The following ADAM12 variants were observed in gnomAD, a reference collection of about 807,000 sequenced individuals.
ADAM12 encodes disintegrin and metalloproteinase domain-containing protein 12.
Under a neutral mutation model 106.4 loss-of-function variants are expected in ADAM12, and 70 were observed. The observed-to-expected ratio is 0.66, with a 90% CI of 0.54 to 0.80. The LOEUF (loss-of-function observed/expected upper bound fraction) is 0.80. Among genes scored for constraint, ADAM12 ranks in the 30% least tolerant of loss-of-function variants. The pLI is 0.00. For missense variants in ADAM12, 1,010 were observed against 1,171.9 expected (o/e 0.86, Z 2.02); for synonymous variants, 420 against 433.5 (o/e 0.97, Z 0.39).
chr10:126,251,651 G>A (rs575026650), intron 3 of ADAM12, among the ~76,000 whole-genome samples: 2 of 152,074 alleles, frequency 1.3e-5, no homozygotes, highest in South Asian at 2.1e-4. Flanking sequence ...GGATGGATGG[G>A]ATGGATAGGA....
At chr10:126,076,502 C>T (rs2133513809) in intron 11 of ADAM12, among the ~76,000 whole-genome samples, 1 of 152,290 alleles carries the variant, frequency 6.6e-6, no homozygotes, top group East Asian at 1.9e-4. Flanking sequence ...AACTGCTTTC[C>T]ACAGTGGCTA....
chr10:126,315,472 T>C (rs911020389), intron 2 of ADAM12, among the ~76,000 whole-genome samples: 3 of 152,156 alleles, frequency 2.0e-5, no homozygotes, highest in African/African-American at 7.2e-5. Flanking sequence ...TTCCAACCGA[T>C]GGCTCCTTAT....
intron 2 of ADAM12, among the ~76,000 whole-genome samples, chr10:126,326,410 T>A (rs745958019): frequency 2.6e-5 from 4 of 152,210 alleles, no homozygotes; most frequent in Non-Finnish European, 4.4e-5. Flanking sequence ...GGGGTGTATA[T>A]GATGGAAGCT....
In ADAM12 at chr10:126,016,840, A is replaced by G. The variant is rs558579946; in HGVS notation, c.*439T>C. The G allele has an allele frequency of 3.0e-3, 466 of 154,090 alleles. 2 individuals are homozygous for G. The highest frequency in any genetic ancestry group is 3.9e-3 in the Non-Finnish European group (267 of 69,096). The allele number at this position is 154,090 out of a possible 1,614,324, so 9.5% of individuals were successfully genotyped here. On this transcript the variant is annotated 3_prime_UTR_variant, in exon 23 of 23. Transcript: ENST00000448723. ...AATCCAGAAAATCAACTGAGATTCT[A>G]CTTGGGATCTCTTGAGCTGCATCTG...
At chr10:126,187,658 C>T (rs2133795991) in intron 3 of ADAM12, among the ~76,000 whole-genome samples, 1 of 152,308 alleles carries the variant, frequency 6.6e-6, no homozygotes, top group South Asian at 2.1e-4. Context: ...AAAGTGACTT[C>T]ACAGAGGCTG....
At chr10:126,118,257 T>C (rs1332852256) in intron 5 of ADAM12, 33 bp from the exon 6 acceptor site, 1 of 1,522,312 alleles carries the variant, frequency 6.6e-7, no homozygotes, top group South Asian at 1.2e-5. Flanking sequence ...AAATATATAA[T>C]TTTAAGGACA....
intron 1 of ADAM12, among the ~76,000 whole-genome samples, chr10:126,379,693 A>G (rs1043147260): frequency 6.6e-6 from 1 of 151,948 alleles, no homozygotes; most frequent in Admixed American, 6.6e-5. Context: ...AAAGTATATT[A>G]AAAAAAGTTG....
In ADAM12 at chr10:126,155,170, G is replaced by A. The variant is rs1054397086; in HGVS notation, c.339+57C>T. ...TTGCTCCGAATAAAATGGCTACAAA[G>A]GTTAAGCACAGATCCAGTGGTGTAA... On this transcript the variant is annotated intron_variant, in intron 4 of 22. Coordinates refer to ENST00000448723, the MANE Select transcript of ADAM12 (RefSeq NM_001288973.2). The A allele has an allele frequency of 5.1e-6, 8 of 1,579,718 alleles. No individual in the cohort carries two copies. The African/African-American group carries it at 8.1e-5, about 16-fold the overall frequency.
Position 126,043,213 on chromosome 10 carries a change from G to A in ADAM12, c.1996-65C>T, listed in dbSNP as rs571244385. 1.4e-6 allele frequency: 2 copies of A among 1,454,486 alleles called. No individual in the cohort carries two copies. The highest frequency in any genetic ancestry group is 2.4e-5 in the South Asian group (2 of 83,170). 90.1% of individuals were successfully genotyped at this position (1,454,486 alleles called of 1,614,324 possible). ...TGCTCTGTGCATCACCACAGCAGAA[G>A]CAAGGGGGGCCATGGTCAGAGCCCC... On this transcript the variant is annotated intron_variant, in intron 17 of 22. Transcript: ENST00000448723. This position sits in a 1 kb window ranked among gnomAD's most constrained non-coding sequence, Gnocchi z 4.1.
chr10:126,354,452 C>T (rs763972755), intron 1 of ADAM12, among the ~76,000 whole-genome samples: 1 of 59,166 alleles, frequency 1.7e-5, no homozygotes, highest in Non-Finnish European at 3.7e-5. Flanking sequence ...TGCAGTAGAA[C>T]GTCTGCGGGA....
At chr10:126,383,155 G>A (rs1856551005) in intron 1 of ADAM12, among the ~76,000 whole-genome samples, 1 of 151,934 alleles carries the variant, frequency 6.6e-6, no homozygotes, top group Non-Finnish European at 1.5e-5. Context: ...GTTGGGGGGT[G>A]TGGCTCACTA....
chr10:126,026,669 CTCTTGGGTAAATAATGAAA>C, intron 21 of ADAM12, among the ~76,000 whole-genome samples: 1 of 152,286 alleles, frequency 6.6e-6, no homozygotes, highest in East Asian at 1.9e-4. Flanking sequence ...TCCTGAATGA[CTCTTGGGTAAATAATGAAA>C]TTAAGGCAGA....
Position 126,049,760 on chromosome 10 carries a change from G to A in ADAM12, c.1610-91C>T, listed in dbSNP as rs143811301. 110 of 1,151,966 alleles carry A rather than the reference G, an allele frequency of 9.5e-5. No individual in the cohort carries two copies. In the African/African-American group the frequency reaches 1.3e-3, roughly 13 times the overall value. The allele number at this position is 1,151,966 out of a possible 1,614,324, so 71.4% of individuals were successfully genotyped here. A position where few individuals can be genotyped will look rare whatever the true frequency, so the allele number is the denominator to read the frequency against. On this transcript the variant is annotated intron_variant, in intron 14 of 22. Transcript: ENST00000448723. The surrounding 1 kb of genome is among the most constrained non-coding windows in gnomAD (Gnocchi z 4.4). ...GCCTCTCAAATGGTTACGGGGAGAC[G>A]TGCTCAAAGCAATCACACCCAGTGT...
At chr10:126,083,646 T>A (rs1955276033) in intron 11 of ADAM12, among the ~76,000 whole-genome samples, 1 of 152,242 alleles carries the variant, frequency 6.6e-6, no homozygotes, top group Non-Finnish European at 1.5e-5. Context: ...CCTGAGGTGA[T>A]ACCTGGGCCA....
Position 126,053,643 on chromosome 10 carries a change from A to T in ADAM12, c.1610-3974T>A, listed in dbSNP as rs1160868224. 6.7e-6 allele frequency among the ~76,000 whole-genome samples: 1 copy of T among 148,816 alleles called. No homozygotes were observed. The highest frequency in any genetic ancestry group is 1.5e-5 in the Non-Finnish European group (1 of 66,954). On this transcript the variant is annotated intron_variant, in intron 14 of 22. Transcript: ENST00000448723. The surrounding 1 kb of genome is among the most constrained non-coding windows in gnomAD (Gnocchi z 4.6). ...ATCACATTTTAATTTAGATTGTCTT[A>T]AAAAAAAAACCTCTCCCACACCGTG...
At chr10:126,301,745 G>C (rs969123115) in intron 2 of ADAM12, among the ~76,000 whole-genome samples, 2 of 152,092 alleles carry the variant, frequency 1.3e-5, no homozygotes, top group Admixed American at 1.3e-4. Context: ...CAACCATTAC[G>C]AGTCCACTAA....
At chr10:126,073,583 G>A (rs1955043617) in intron 11 of ADAM12, among the ~76,000 whole-genome samples, 1 of 152,114 alleles carries the variant, frequency 6.6e-6, no homozygotes, top group African/African-American at 2.4e-5. Flanking sequence ...GCATCCATAT[G>A]TACTCAATGT....
intron 10 of ADAM12, among the ~76,000 whole-genome samples, chr10:126,097,764 C>T (rs1462482998): frequency 3.3e-5 from 5 of 152,174 alleles, no homozygotes; most frequent in Admixed American, 1.3e-4. Flanking sequence ...CCCCTGCTGG[C>T]AAGCCTATCA....
rs201372472 is a variant in ADAM12 at position 126,118,143 on chromosome 10, C to T, written c.498G>A (p.Ala166=). Residue 166 remains alanine (A), a synonymous_variant, in exon 6 of 23, where the codon GCG becomes GCA. Coordinates refer to ENST00000448723, the MANE Select transcript of ADAM12 (RefSeq NM_001288973.2). ...ATCCCCGGACGCTTTTCAGCTTCTT[C>T]GCTGGGAAGAGTTTGTATCTGTTGG... ...SATNRYKLFP[A]KKLKSVRGSC... The T allele has an allele frequency of 3.6e-5, 58 of 1,614,056 alleles. No individual in the cohort carries two copies. In the East Asian group the frequency reaches 6.7e-4, roughly 19 times the overall value.
Sources: gnomAD v4.1 joint callset for allele counts (sites outside exome capture counted in the v4.1 genomes callset) on GRCh38, gnomAD v4.1.1 for gene constraint, Gnocchi (gnomAD v3.1) non-coding constraint, MANE v1.5 for transcripts, NCBI Gene and HGNC (gene_info 2026-07-23, HGNC 2026-07-21) for gene names.